CPED1: variants seen among roughly 807,000 people sequenced by gnomAD.
CPED1 encodes cadherin-like and PC-esterase domain-containing protein 1.
Under a neutral mutation model 128.2 loss-of-function variants are expected in CPED1, and 114 were observed. That is an observed-to-expected ratio of 0.89 (90% CI 0.76 to 1.04). The LOEUF is 1.04. Ranked by LOEUF, CPED1 falls within the 50% of genes least tolerant of loss-of-function variation. CPED1 has a pLI of 0.00. For missense variants in CPED1, 1,211 were observed against 1,207.1 expected, an observed-to-expected ratio of 1.00 and a Z score of -0.05; for synonymous variants, 462 against 426.7, an observed-to-expected ratio of 1.08 and a Z score of -1.02.
At chr7:121,065,604 T>C (rs941788994) in intron 5 of CPED1, among the ~76,000 whole-genome samples, 7 of 152,126 alleles carry the variant, frequency 4.6e-5, no homozygotes, top group African/African-American at 1.7e-4. Context: ...CTTAACAGAA[T>C]AAAATCATAG....
chr7:121,238,053 C>T (rs1044334665), intron 17 of CPED1, among the ~76,000 whole-genome samples: 3 of 152,068 alleles, frequency 2.0e-5, no homozygotes, highest in Admixed American at 6.6e-5. Flanking sequence ...AGTTGTATTC[C>T]TCCTACTGGA....
At chr7:121,250,664 C>T (rs972641903) in intron 18 of CPED1, among the ~76,000 whole-genome samples, 1 of 152,146 alleles carries the variant, frequency 6.6e-6, no homozygotes, top group African/African-American at 2.4e-5. Flanking sequence ...GAAATACAAA[C>T]TACCATCAGA....
intron 4 of CPED1, among the ~76,000 whole-genome samples, chr7:121,055,599 A>G (rs941095227): frequency 2.0e-5 from 3 of 150,102 alleles, no homozygotes; most frequent in Non-Finnish European, 4.4e-5. Context: ...ATAAATAATT[A>G]TGATATAATT....
intron 16 of CPED1, among the ~76,000 whole-genome samples, chr7:121,189,760 T>TTATATATATATATATATATATATATATA (rs377035175): frequency 8.4e-5 from 4 of 47,466 alleles, no homozygotes; most frequent in Non-Finnish European, 1.2e-4. Context: ...TTATGAGGTT[T>TTATATATATATATATATATATATATATA]TATATATATA....
intron 5 of CPED1, among the ~76,000 whole-genome samples, chr7:121,096,682 A>G (rs778883530): frequency 3.9e-5 from 6 of 152,220 alleles, no homozygotes; most frequent in Non-Finnish European, 8.8e-5. Flanking sequence ...TAATGTAAAT[A>G]CACAACAATA....
chr7:121,170,843 G>C (rs1796636461), intron 16 of CPED1, among the ~76,000 whole-genome samples: 1 of 152,080 alleles, frequency 6.6e-6, no homozygotes, highest in Non-Finnish European at 1.5e-5. Flanking sequence ...CTGAGGTCGG[G>C]AGTTCCAGAC....
rs144181803 is a variant in CPED1, at chr7:121,046,846, T to C, written c.434-41T>C. ...AATTAAATATTGCTTTTAAAATATC[T>C]GATGAAAACTTATTTGTTTTGAATA... On this transcript the variant is annotated intron_variant, in intron 3 of 22. Coordinates refer to ENST00000310396, the MANE Select transcript of CPED1 (RefSeq NM_024913.5). The C allele has an allele frequency of 2.7e-4, 350 of 1,284,008 alleles. 1 individual carries two copies. The African/African-American group carries it at 4.2e-3, about 15-fold the overall frequency. The allele number at this position is 1,284,008 out of a possible 1,614,324, so 79.5% of individuals were successfully genotyped here.
At chr7:121,114,662 C>T (rs1795192350) in intron 7 of CPED1, among the ~76,000 whole-genome samples, 1 of 152,174 alleles carries the variant, frequency 6.6e-6, no homozygotes. Flanking sequence ...AAGTCCATGC[C>T]TATGGGTAAA....
intron 16 of CPED1, among the ~76,000 whole-genome samples, chr7:121,143,514 A>G (rs1584544298): frequency 6.6e-6 from 1 of 151,956 alleles, no homozygotes. Flanking sequence ...TGACCTTTCA[A>G]TTTGCTTTAT....
intron 16 of CPED1, among the ~76,000 whole-genome samples, chr7:121,190,478 G>A (rs777771352): frequency 1.3e-5 from 2 of 151,280 alleles, no homozygotes; most frequent in African/African-American, 4.9e-5. Context: ...GGCATAATCC[G>A]ATTTAGTTTT....
Position 121,140,886 on chromosome 7 carries a change from C to G in CPED1, c.1759C>G (p.Pro587Ala), listed in dbSNP as rs778541573. 6.2e-7 allele frequency: 1 copy of G among 1,612,502 alleles called. No individual in the cohort carries two copies. Among genetic ancestry groups the G allele is most frequent in the Admixed American group, 1.7e-5 (1 of 59,802 alleles). The change falls in exon 15 of 23, where the codon CCT (proline) becomes GCT (alanine). Residue 587 changes from proline (P) to alanine (A), a missense_variant. By Grantham distance (27) the Pro-to-Ala change is conservative (BLOSUM62 -1). Transcript: ENST00000310396. ...CACACATCCACATTTGGAACTAAAT[C>G]CTGACTTTCATCCAAAGATCAAAGA... ...IFTHPHLELN[P>A]DFHPKIKDYY... is the part of the protein sequence containing the mutation.
At position 121,057,647 on chromosome 7, in the gene CPED1, A is replaced by G. The variant is rs543046563; in HGVS notation, c.541-6591A>G. 1.0e-3 allele frequency among the ~76,000 whole-genome samples: 154 copies of G among 152,368 alleles called. 2 individuals are homozygous for G. The highest frequency in any genetic ancestry group is 3.4e-3 in the African/African-American group (143 of 41,584). On this transcript the variant is annotated intron_variant, in intron 4 of 22. Transcript: ENST00000310396. ...AGGCCTGAGAGGCTTGACTTGCAGA[A>G]TGTCTCAATAACTTTATTCTTGGTT...
intron 16 of CPED1, among the ~76,000 whole-genome samples, chr7:121,231,605 G>A (rs2116651628): frequency 6.6e-6 from 1 of 152,210 alleles, no homozygotes; most frequent in East Asian, 1.9e-4. Context: ...TGACAGGTAT[G>A]TAGAACGTTG....
At chr7:120,994,325 G>A (rs1247577339) in intron 2 of CPED1, among the ~76,000 whole-genome samples, 3 of 151,592 alleles carry the variant, frequency 2.0e-5, no homozygotes, top group Admixed American at 6.6e-5. Context: ...TTCTCCTCCC[G>A]ATATCTTTCA....
intron 16 of CPED1, among the ~76,000 whole-genome samples, chr7:121,225,393 C>T (rs1167700572): frequency 6.6e-6 from 1 of 152,134 alleles, no homozygotes; most frequent in African/African-American, 2.4e-5. Flanking sequence ...TGACCTTTCT[C>T]TCTGGCTGCC....
intron 16 of CPED1, among the ~76,000 whole-genome samples, chr7:121,214,391 C>G (rs1216841966): frequency 6.6e-6 from 1 of 152,142 alleles, no homozygotes; most frequent in East Asian, 1.9e-4. Flanking sequence ...CTCACAAGAT[C>G]AAGGGATTCT....
chr7:121,186,788 A>C (rs2116514498), intron 16 of CPED1, among the ~76,000 whole-genome samples: 1 of 152,280 alleles, frequency 6.6e-6, no homozygotes, highest in South Asian at 2.1e-4. Context: ...AGTTGGTTAA[A>C]TTTATCTTGT....
chr7:121,270,025 C>T (rs2116753442), intron 21 of CPED1, among the ~76,000 whole-genome samples: 1 of 151,984 alleles, frequency 6.6e-6, no homozygotes, highest in Non-Finnish European at 1.5e-5. Context: ...GCGGGAGGTG[C>T]CAGACTCTTT....
At chr7:121,068,243 T>G (rs1793896759) in intron 5 of CPED1, among the ~76,000 whole-genome samples, 1 of 152,234 alleles carries the variant, frequency 6.6e-6, no homozygotes. Context: ...CTTTTATGGT[T>G]TTAGGTCTAA....
Sources: allele counts gnomAD v4.1 joint callset (sites outside exome capture counted in the v4.1 genomes callset), GRCh38; gene constraint gnomAD v4.1.1; transcripts MANE v1.5; gene names NCBI Gene and HGNC (gene_info 2026-07-23, HGNC 2026-07-21).